The following INPP4A variants were observed in gnomAD, a reference collection of about 807,000 sequenced individuals.
INPP4A encodes inositol polyphosphate-4-phosphatase type I A, also known as inositol polyphosphate-4-phosphatase, type I, 107kD.
A neutral mutation model predicts 119.8 loss-of-function variants in INPP4A; 33 were observed. The ratio of observed to expected loss-of-function variants is 0.28; its 90% CI spans 0.21 to 0.37. The LOEUF is 0.37. INPP4A is among the 10% of genes least tolerant of loss of function. INPP4A has a pLI of 1.00. For missense variants in INPP4A, 956 were observed against 1,289.9 expected, an observed-to-expected ratio of 0.74 and a Z score of 3.97; for synonymous variants, 496 against 500.7, an observed-to-expected ratio of 0.99 and a Z score of 0.12.
Position 98,491,915 on chromosome 2 carries a change from A to T in INPP4A, c.-165-27049A>T, listed in dbSNP as rs1183911896. On this transcript the variant is annotated intron_variant, in intron 1 of 24. Coordinates refer to ENST00000409851, the MANE Select transcript of INPP4A (RefSeq NM_001134225.2). Reference sequence around the variant, plus strand: ...AAGTGCATTTTTTTTTTTGAGACAGAATCTTGCTCTGTCACCTGGGCTAGA... The same window carrying T: ...AAGTGCATTTTTTTTTTTGAGACAGTATCTTGCTCTGTCACCTGGGCTAGA... Among the ~76,000 whole-genome samples, 4 of 152,204 alleles carry T rather than the reference A, an allele frequency of 2.6e-5. No individual in the cohort carries two copies. In the East Asian group the frequency reaches 7.7e-4, roughly 29 times the overall value.
intron 24 of INPP4A, chr2:98,581,697 C>T (rs762628218): frequency 6.2e-7 from 1 of 1,612,848 alleles, no homozygotes; most frequent in South Asian, 1.1e-5. Context: ...CCCCAATTTA[C>T]TGATTGTGTG....
chr2:98,512,375 G>C (rs1685280555), intron 1 of INPP4A, among the ~76,000 whole-genome samples: 1 of 152,208 alleles, frequency 6.6e-6, no homozygotes, highest in South Asian at 2.1e-4. Context: ...CAAGGGTTTA[G>C]TCTGCGGAAG....
At chr2:98,475,218 C>T (rs181208405) in intron 1 of INPP4A, among the ~76,000 whole-genome samples, 29 of 152,172 alleles carry the variant, frequency 1.9e-4, no homozygotes, top group Non-Finnish European at 3.8e-4. Flanking sequence ...TCGGGAGCAG[C>T]TTGTGAGTGT....
At chr2:98,460,698 G>A (rs1339475433) in intron 1 of INPP4A, among the ~76,000 whole-genome samples, 1 of 152,202 alleles carries the variant, frequency 6.6e-6, no homozygotes, top group Non-Finnish European at 1.5e-5. Flanking sequence ...CTTTACAGTT[G>A]TGGATGCTGC....
At position 98,570,399 on chromosome 2, in the gene INPP4A, A is replaced by G. The variant is rs370671588; in HGVS notation, c.2518+1731A>G. 4.7e-4 allele frequency among the ~76,000 whole-genome samples: 72 copies of G among 152,312 alleles called. No individual in the cohort carries two copies. The highest frequency in any genetic ancestry group is 1.6e-3 in the African/African-American group (66 of 41,586). On this transcript the variant is annotated intron_variant, in intron 22 of 24. Coordinates refer to ENST00000409851, the MANE Select transcript of INPP4A (RefSeq NM_001134225.2). The surrounding 1 kb of genome is among the most constrained non-coding windows in gnomAD (Gnocchi z 4.3). ...GGCTAGCAGGAAGAAGGCAGGAGCCAGGAGGGTGTGGGGCGCTGCCGGACA... is the reference window on the plus strand; with the variant it reads ...GGCTAGCAGGAAGAAGGCAGGAGCCGGGAGGGTGTGGGGCGCTGCCGGACA...
chr2:98,545,862 T>A, intron 11 of INPP4A, 107 bp from the exon 12 acceptor site: 1 of 751,856 alleles, frequency 1.3e-6, no homozygotes, highest in Non-Finnish European at 2.1e-6. Flanking sequence ...ACTGCCGACA[T>A]ACCTGCTTAT....
intron 1 of INPP4A, among the ~76,000 whole-genome samples, chr2:98,498,556 T>C (rs1304439049): frequency 6.6e-6 from 1 of 151,888 alleles, no homozygotes; most frequent in African/African-American, 2.4e-5. Flanking sequence ...GGCCTCTCAC[T>C]GGCAACACTC....
At chr2:98,574,794 G>A (rs1032580499) in intron 23 of INPP4A, among the ~76,000 whole-genome samples, 1 of 152,186 alleles carries the variant, frequency 6.6e-6, no homozygotes, top group African/African-American at 2.4e-5. Context: ...TTTGGGAACT[G>A]TGGTTCTACC....
rs185346152 is a variant in INPP4A, at chr2:98,503,993, A to G, written c.-165-14971A>G. Among the ~76,000 whole-genome samples the G allele has an allele frequency of 7.5e-4, 114 of 152,362 alleles. 1 individual carries two copies. The East Asian group carries it at 0.017, about 23-fold the overall frequency. ...GGTGGGTAGCTACAGAGCACTGCCCAAGGAAGGGCATGGGCCTCAGAGGCA... is the reference window on the plus strand; with the variant it reads ...GGTGGGTAGCTACAGAGCACTGCCCGAGGAAGGGCATGGGCCTCAGAGGCA... On this transcript the variant is annotated intron_variant, in intron 1 of 24. Transcript: ENST00000409851.
Position 98,529,998 on chromosome 2 carries a change from A to T in INPP4A, c.152-3379A>T, listed in dbSNP as rs151147565. On this transcript the variant is annotated intron_variant, in intron 4 of 24. Transcript: ENST00000409851. ...TGATTGATAGGAGACCTAGAAGCAG[A>T]GAGAGAGCTGGAAAGAGGAGTAGCA... 5.2e-3 allele frequency among the ~76,000 whole-genome samples: 793 copies of T among 152,282 alleles called. 12 individuals carry two copies. Among genetic ancestry groups the T allele is most frequent in the African/African-American group, 0.018 (737 of 41,550 alleles).
chr2:98,576,994 C>T lies in INPP4A; in HGVS notation c.2637C>T (p.Cys879=). 1 of 1,611,170 alleles carries T rather than the reference C, an allele frequency of 6.2e-7. No homozygotes were observed. Among genetic ancestry groups the T allele is most frequent in the Non-Finnish European group, 8.5e-7 (1 of 1,177,814 alleles). ...VDILWQAAEI[C]RRLNGVRFTS... Reference sequence around the variant, plus strand: ...GCCCATGTTTCTGTTGGCAGATCTGCCGCCGCCTTAATGGGGTCCGGTTCA... The same window carrying T: ...GCCCATGTTTCTGTTGGCAGATCTGTCGCCGCCTTAATGGGGTCCGGTTCA... The change falls in exon 24 of 25, where the codon TGC becomes TGT. Residue 879 remains cysteine, a synonymous_variant. Coordinates refer to ENST00000409851, the MANE Select transcript of INPP4A (RefSeq NM_001134225.2).
intron 24 of INPP4A, among the ~76,000 whole-genome samples, chr2:98,586,586 C>T (rs1423052058): frequency 6.6e-6 from 1 of 152,202 alleles, no homozygotes; most frequent in African/African-American, 2.4e-5. Context: ...GAACATTTCC[C>T]AGAGAACTCC....
chr2:98,448,372 AAAT>A (rs1253971222), intron 1 of INPP4A, among the ~76,000 whole-genome samples: 6 of 148,820 alleles, frequency 4.0e-5, no homozygotes, highest in African/African-American at 1.5e-4. Flanking sequence ...AAAAAAAAAA[AAAT>A]CATGAAATTA....
intron 1 of INPP4A, among the ~76,000 whole-genome samples, chr2:98,489,423 GC>G (rs1056745824): frequency 2.6e-5 from 4 of 152,170 alleles, no homozygotes; most frequent in Non-Finnish European, 5.9e-5. Context: ...CCAACACCCA[GC>G]CCTGGCTTGA....
At chr2:98,444,822 A>G (rs565186706), upstream of INPP4A, 4 of 151,932 alleles carry the variant, frequency 2.6e-5, no homozygotes, top group African/African-American at 7.3e-5. Flanking sequence ...CGCATGCGCG[A>G]CAAGGGGGCG....
At position 98,587,354 on chromosome 2, in the gene INPP4A, A is replaced by T. The variant is rs1295742076; in HGVS notation, c.2787-122A>T. On this transcript the variant is annotated intron_variant, in intron 24 of 24. Transcript: ENST00000409851. ...TGTATTTGTTGTAAATGAGTCCGGC[A>T]CCCATTTAAATTAATCTTTTTTTTA... The T allele has an allele frequency of 3.8e-6, 4 of 1,042,842 alleles. No homozygotes were observed. The African/African-American group carries it at 6.6e-5, about 17-fold the overall frequency. 64.6% of individuals were successfully genotyped at this position (1,042,842 alleles called of 1,614,324 possible).
In INPP4A at chr2:98,546,566, G is replaced by A; in HGVS notation, c.1055-20G>A. 6.3e-7 allele frequency: 1 copy of A among 1,576,404 alleles called. No individual in the cohort carries two copies. Among genetic ancestry groups the A allele is most frequent in the South Asian group, 1.1e-5 (1 of 90,152 alleles). On this transcript the variant is annotated intron_variant, in intron 12 of 24. Transcript: ENST00000409851. The surrounding 1 kb of genome is among the most constrained non-coding windows in gnomAD (Gnocchi z 4.2). ...CAGGCCTGAGCCCAGAGTAATGGAGGAGAGCTTTCTGTCATTCAGATCAGA... is the reference window on the plus strand; with the variant it reads ...CAGGCCTGAGCCCAGAGTAATGGAGAAGAGCTTTCTGTCATTCAGATCAGA...
At chr2:98,476,985 G>C (rs1178556940) in intron 1 of INPP4A, among the ~76,000 whole-genome samples, 1 of 152,204 alleles carries the variant, frequency 6.6e-6, no homozygotes, top group African/African-American at 2.4e-5. Context: ...AAGAGCCTCT[G>C]GGGTATCTGA....
chr2:98,463,563 C>T (rs989827778), intron 1 of INPP4A, among the ~76,000 whole-genome samples: 3 of 152,240 alleles, frequency 2.0e-5, no homozygotes, highest in African/African-American at 7.2e-5. Flanking sequence ...CGAGGTGATG[C>T]AAAGTTACCA....
Sources: gnomAD v4.1 joint callset for allele counts (sites outside exome capture counted in the v4.1 genomes callset) on GRCh38, gnomAD v4.1.1 for gene constraint, Gnocchi (gnomAD v3.1) non-coding constraint, MANE v1.5 for transcripts, NCBI Gene and HGNC (gene_info 2026-07-23, HGNC 2026-07-21) for gene names.